The following WWTR1 variants were observed in gnomAD, a reference collection of about 807,000 sequenced individuals.
WWTR1 encodes the protein WW domain-containing transcription regulator protein 1.
In WWTR1, 13 loss-of-function variants were observed where a neutral mutation model predicts 40.1. That is an observed-to-expected ratio of 0.32 (90% CI 0.21 to 0.52). The LOEUF is 0.52. Among genes scored for constraint, WWTR1 ranks in the 20% least tolerant of loss-of-function variants. WWTR1 has a pLI of 0.97. For missense variants in WWTR1, 436 were observed against 523.1 expected, an observed-to-expected ratio of 0.83 and a Z score of 1.63; for synonymous variants, 230 against 210.1, an observed-to-expected ratio of 1.09 and a Z score of -0.82.
At chr3:149,679,925 A>G (rs530424469) in intron 1 of WWTR1, among the ~76,000 whole-genome samples, 1 of 152,298 alleles carries the variant, frequency 6.6e-6, no homozygotes, top group Admixed American at 6.5e-5. Context: ...GACAGGCAAC[A>G]TTTCTTTGCC....
At chr3:149,677,937 A>G (rs1004487379) in intron 1 of WWTR1, among the ~76,000 whole-genome samples, 1 of 142,842 alleles carries the variant, frequency 7.0e-6, no homozygotes, top group African/African-American at 2.5e-5. Flanking sequence ...TAATTTTTGT[A>G]TTTTTTTTTT....
upstream of WWTR1, among the ~76,000 whole-genome samples, chr3:149,661,766 T>C (rs565230961): frequency 2.4e-4 from 33 of 135,262 alleles, no homozygotes; most frequent in Admixed American, 6.5e-4. Context: ...GGAGTCTTAC[T>C]CTGTCACCTA....
intron 2 of WWTR1, among the ~76,000 whole-genome samples, chr3:149,616,584 A>G (rs953232020): frequency 2.5e-4 from 37 of 150,800 alleles, no homozygotes; most frequent in Non-Finnish European, 4.9e-4. Flanking sequence ...CTGGGATTAC[A>G]GGGACGTGCC....
chr3:149,702,699 T>C (rs1013484301), intron 1 of WWTR1: 2 of 151,692 alleles, frequency 1.3e-5, no homozygotes, highest in South Asian at 2.1e-4. Context: ...GATTGGCAAA[T>C]GGATTTTTCC....
At chr3:149,593,857 A>T (rs1231438715) in intron 2 of WWTR1, among the ~76,000 whole-genome samples, 1 of 152,168 alleles carries the variant, frequency 6.6e-6, no homozygotes, top group Non-Finnish European at 1.5e-5. Context: ...TACCTAATTA[A>T]AATATACATA....
chr3:149,598,814 A>G (rs1257958189), intron 2 of WWTR1, among the ~76,000 whole-genome samples: 1 of 152,136 alleles, frequency 6.6e-6, no homozygotes, highest in Non-Finnish European at 1.5e-5. Context: ...AGCTTTTCTC[A>G]ATGTTTTGAG....
intron 1 of WWTR1, among the ~76,000 whole-genome samples, chr3:149,691,286 A>G (rs2108213371): frequency 6.6e-6 from 1 of 152,106 alleles, no homozygotes; most frequent in South Asian, 2.1e-4. Context: ...AACCAAACCC[A>G]AAATTAGTAG....
chr3:149,584,534 T>G (rs1324874144), intron 2 of WWTR1, among the ~76,000 whole-genome samples: 1 of 152,132 alleles, frequency 6.6e-6, no homozygotes, highest in African/African-American at 2.4e-5. Flanking sequence ...TGCAAGAAAT[T>G]ATTTGGAGGA....
intron 2 of WWTR1, among the ~76,000 whole-genome samples, chr3:149,594,751 C>CAG (rs1738899457): frequency 6.6e-6 from 1 of 151,542 alleles, no homozygotes; most frequent in Admixed American, 6.6e-5. Flanking sequence ...CACACACACA[C>CAG]AGAGCTACAA....
At chr3:149,654,285 C>T (rs922465732) in intron 2 of WWTR1, among the ~76,000 whole-genome samples, 20 of 152,182 alleles carry the variant, frequency 1.3e-4, no homozygotes, top group African/African-American at 3.9e-4. Flanking sequence ...GGCTGTGTAA[C>T]AAAGTGTATG....
intron 4 of WWTR1, among the ~76,000 whole-genome samples, chr3:149,721,084 C>T (rs1471735509): frequency 6.6e-6 from 1 of 151,982 alleles, no homozygotes; most frequent in Non-Finnish European, 1.5e-5. Flanking sequence ...TTCTTTTTTT[C>T]CATTTTAGAT....
At chr3:149,606,416 C>G (rs1739488977) in intron 2 of WWTR1, among the ~76,000 whole-genome samples, 1 of 151,980 alleles carries the variant, frequency 6.6e-6, no homozygotes. Context: ...CTAAGAAATC[C>G]CAGCATTTCC....
chr3:149,532,347 G>A (rs955031725), intron 4 of WWTR1, among the ~76,000 whole-genome samples: 2 of 152,194 alleles, frequency 1.3e-5, no homozygotes, highest in African/African-American at 4.8e-5. Flanking sequence ...GTGGTGAGAG[G>A]TTTCTTCCTG....
intron 1 of WWTR1, among the ~76,000 whole-genome samples, chr3:149,697,838 G>A (rs1046565633): frequency 2.6e-5 from 4 of 152,220 alleles, no homozygotes; most frequent in South Asian, 2.1e-4. Flanking sequence ...GGTAGTACAG[G>A]CATTGGGTAA....
rs58155361 is a variant in WWTR1 at position 149,684,561 on chromosome 3, CTT to C, written c.-107-14672_-107-14671del. On this transcript the variant is annotated intron_variant, in intron 1 of 7. Transcript: ENST00000465804. ...TAGGTCTGTCTCATATCTCATTATT[CTT>C]TTTTTTTTTTTCCTTTTTGAGACAG... Among the ~76,000 whole-genome samples the C allele has an allele frequency of 8.8e-4, 129 of 146,562 alleles. 1 individual carries two copies. Among genetic ancestry groups the C allele is most frequent in the Middle Eastern group, 3.5e-3 (1 of 282 alleles).
chr3:149,680,471 G>A (rs184593565), intron 1 of WWTR1, among the ~76,000 whole-genome samples: 57 of 152,256 alleles, frequency 3.7e-4, no homozygotes, highest in Admixed American at 5.9e-4. Flanking sequence ...TTGAACCCAG[G>A]AGGCGGAGGT....
intron 4 of WWTR1, 106 bp from the exon 5 acceptor site, chr3:149,528,075 T>G: frequency 7.1e-7 from 1 of 1,402,392 alleles, no homozygotes; most frequent in East Asian, 2.4e-5. Flanking sequence ...CACTGTGTAT[T>G]TACTCCCAGC....
upstream of WWTR1, chr3:149,661,073 G>A (rs1361980812): frequency 1.3e-5 from 2 of 152,142 alleles, no homozygotes; most frequent in Admixed American, 6.5e-5. Flanking sequence ...CATCCCCTAG[G>A]AAGGTATGGA....
chr3:149,593,023 T>C (rs1738806940), intron 2 of WWTR1, among the ~76,000 whole-genome samples: 1 of 152,116 alleles, frequency 6.6e-6, no homozygotes, highest in Admixed American at 6.5e-5. Context: ...CCGAGCCAAG[T>C]TACACTCATG....
Sources: allele counts gnomAD v4.1 joint callset (sites outside exome capture counted in the v4.1 genomes callset), GRCh38; gene constraint gnomAD v4.1.1; transcripts MANE v1.5; gene names NCBI Gene and HGNC (gene_info 2026-07-23, HGNC 2026-07-21).